NRG1: variants seen among roughly 807,000 people sequenced by gnomAD.
NRG1 encodes the protein neuregulin 1, also known as pro-neuregulin-1, membrane-bound isoform.
NRG1 carries 18 observed loss-of-function variants against 63.8 expected under a neutral mutation model. The ratio of observed to expected loss-of-function variants is 0.28; its 90% confidence interval spans 0.19 to 0.42. The LOEUF (loss-of-function observed/expected upper bound fraction) is 0.42, where lower values mean the gene tolerates loss of function less well. Among genes scored for constraint, NRG1 ranks in the 10% least tolerant of loss-of-function variants. The pLI is 1.00. For missense variants in NRG1, 762 were observed against 814.7 expected (o/e 0.94, Z 0.79); for synonymous variants, 302 against 301.3 (o/e 1.00, Z -0.02).
chr8:32,272,207 C>T (rs1282563193), intron 1 of NRG1, among the ~76,000 whole-genome samples: 8 of 152,146 alleles, frequency 5.3e-5, no homozygotes, highest in African/African-American at 1.4e-4. Context: ...GCCTGCATGG[C>T]GAGGGTTCTG....
intron 5 of NRG1, among the ~76,000 whole-genome samples, chr8:32,624,487 A>G (rs1848858052): frequency 6.6e-6 from 1 of 152,230 alleles, no homozygotes; most frequent in South Asian, 2.1e-4. Context: ...GAAAAATCAG[A>G]AAATAGGTAT....
chr8:32,501,384 T>C (rs1268219997), intron 1 of NRG1, among the ~76,000 whole-genome samples: 1 of 152,212 alleles, frequency 6.6e-6, no homozygotes, highest in Non-Finnish European at 1.5e-5. Flanking sequence ...GTTAAATATC[T>C]TCTCTTTATT....
chr8:31,725,301 A>G (rs1183606044), intron 1 of NRG1, among the ~76,000 whole-genome samples: 1 of 152,120 alleles, frequency 6.6e-6, no homozygotes, highest in African/African-American at 2.4e-5. Flanking sequence ...TCTCTCTGAT[A>G]CTGAGAACAT....
At chr8:31,936,346 C>T (rs1300600296) in intron 1 of NRG1, among the ~76,000 whole-genome samples, 2 of 152,108 alleles carry the variant, frequency 1.3e-5, no homozygotes, top group Non-Finnish European at 2.9e-5. Flanking sequence ...TTGATGATTT[C>T]GCAGTTAGGG....
intron 1 of NRG1, among the ~76,000 whole-genome samples, chr8:32,430,162 C>T (rs1817944887): frequency 6.6e-6 from 1 of 152,256 alleles, no homozygotes; most frequent in African/African-American, 2.4e-5. Context: ...AAGCTTGACT[C>T]ATTCAGTGTC....
intron 5 of NRG1, among the ~76,000 whole-genome samples, chr8:32,636,113 A>G (rs996116461): frequency 7.2e-5 from 11 of 152,204 alleles, no homozygotes; most frequent in Admixed American, 3.9e-4. Context: ...ATTTTTGAGA[A>G]ACACTTCTAA....
intron 1 of NRG1, among the ~76,000 whole-genome samples, chr8:32,397,654 C>T (rs975708512): frequency 6.6e-6 from 1 of 151,950 alleles, no homozygotes; most frequent in Non-Finnish European, 1.5e-5. Context: ...TCCTAGTGAC[C>T]ATCACTATAT....
intron 1 of NRG1, among the ~76,000 whole-genome samples, chr8:31,943,357 A>G (rs570977623): frequency 6.6e-6 from 1 of 152,194 alleles, no homozygotes; most frequent in African/African-American, 2.4e-5. Context: ...CATAAGAATG[A>G]TACATTGGAC....
At chr8:32,028,195 G>A (rs374797975) in intron 1 of NRG1, among the ~76,000 whole-genome samples, 5 of 152,096 alleles carry the variant, frequency 3.3e-5, no homozygotes, top group African/African-American at 1.2e-4. Flanking sequence ...AGAAAATTGC[G>A]CAAAGGACTT....
At chr8:31,935,321 C>A (rs1835210250) in intron 1 of NRG1, among the ~76,000 whole-genome samples, 1 of 151,920 alleles carries the variant, frequency 6.6e-6, no homozygotes, top group Admixed American at 6.6e-5. Context: ...TGAGGTCTCA[C>A]TATTTTGCCC....
intron 1 of NRG1, among the ~76,000 whole-genome samples, chr8:32,411,768 T>C (rs950173071): frequency 6.6e-6 from 1 of 152,222 alleles, no homozygotes; most frequent in Non-Finnish European, 1.5e-5. Context: ...CTAAAATCAA[T>C]GTGTCCCTTG....
In NRG1 at chr8:31,639,483, G is replaced by A. The variant is rs1367629693; in HGVS notation, c.37+52G>A. ...GCTGTCGCCGCCGCGGCCACCCAGC[G>A]ATTTCCAGGCACGCAACTCCGCCTC... On this transcript the variant is annotated intron_variant, in intron 1 of 10. Transcript: ENST00000519301. The A allele has an allele frequency of 4.6e-6, 7 of 1,530,788 alleles. No homozygotes were observed. The Admixed American group carries it at 1.2e-4, about 26-fold the overall frequency. The allele number at this position is 1,530,788 out of a possible 1,614,324, so 94.8% of individuals were successfully genotyped here.
At chr8:32,630,545 T>C (rs537100243) in intron 5 of NRG1, among the ~76,000 whole-genome samples, 2 of 152,340 alleles carry the variant, frequency 1.3e-5, no homozygotes, top group South Asian at 4.1e-4. Flanking sequence ...CCATGTGATA[T>C]GTAGCCTCAG....
chr8:31,682,617 G>A (rs891732736), intron 1 of NRG1, among the ~76,000 whole-genome samples: 10 of 151,864 alleles, frequency 6.6e-5, no homozygotes, highest in Non-Finnish European at 1.3e-4. Context: ...CCAACTTTCC[G>A]TGTGCCTATA....
chr8:32,034,208 CAT>C (rs1818694462), intron 1 of NRG1, among the ~76,000 whole-genome samples: 1 of 152,198 alleles, frequency 6.6e-6, no homozygotes, highest in East Asian at 1.9e-4. Flanking sequence ...TTGAAATAAT[CAT>C]GTGGTTTTTG....
intron 5 of NRG1, among the ~76,000 whole-genome samples, chr8:32,715,173 T>C (rs1818864196): frequency 6.6e-6 from 1 of 152,056 alleles, no homozygotes. Flanking sequence ...CCCAGGCTGG[T>C]TGAACTCCTG....
At chr8:32,187,320 G>T (rs2132156694) in intron 1 of NRG1, among the ~76,000 whole-genome samples, 1 of 152,242 alleles carries the variant, frequency 6.6e-6, no homozygotes. Context: ...AGTTCTTTGG[G>T]GTCAGCATGC....
intron 1 of NRG1, among the ~76,000 whole-genome samples, chr8:31,789,954 T>C (rs1190548697): frequency 2.0e-5 from 3 of 152,182 alleles, no homozygotes; most frequent in Non-Finnish European, 4.4e-5. Flanking sequence ...GATCTTTTTT[T>C]AGGGAATTAA....
At position 31,740,684 on chromosome 8, in the gene NRG1, TGAGA is replaced by T. The variant is rs35666052; in HGVS notation, c.37+101271_37+101274del. The stretch of plus-strand genomic sequence containing the variant: ...CTGTGTGAGTGCATGTGTGTGTGTG[TGAGA>T]GAGAGAGAGAGAGAGAGGGACCACA... On this transcript the variant is annotated intron_variant, in intron 1 of 10. Coordinates refer to the NRG1 transcript ENST00000519301. Among the ~76,000 whole-genome samples the T allele has an allele frequency of 4.1e-4, 61 of 148,662 alleles. 2 individuals are homozygous for T. Among genetic ancestry groups the T allele is most frequent in the South Asian group, 1.3e-3 (6 of 4,650 alleles).
Sources: gnomAD v4.1 joint callset for allele counts (sites outside exome capture counted in the v4.1 genomes callset) on GRCh38, gnomAD v4.1.1 for gene constraint, MANE v1.5 for transcripts, NCBI Gene and HGNC (gene_info 2026-07-23, HGNC 2026-07-21) for gene names.